The following MAN2A1 variants were observed in gnomAD, a reference collection of about 807,000 sequenced individuals.
MAN2A1 encodes alpha-mannosidase 2.
Under a neutral mutation model 142.6 loss-of-function variants are expected in MAN2A1, and 76 were observed. The ratio of observed to expected loss-of-function variants is 0.53; its 90% confidence interval spans 0.44 to 0.65. The LOEUF (loss-of-function observed/expected upper bound fraction) is 0.65, where lower values mean the gene tolerates loss of function less well. MAN2A1 is among the 30% of genes least tolerant of loss of function. MAN2A1 has a pLI of 0.00. For synonymous variants in MAN2A1, 559 were observed against 473.2 expected, an observed-to-expected ratio of 1.18 and a Z score of -2.35; for missense variants, 1,311 against 1,365.1, an observed-to-expected ratio of 0.96 and a Z score of 0.62.
intron 3 of MAN2A1, among the ~76,000 whole-genome samples, chr5:109,716,517 C>G (rs1751457362): frequency 6.6e-6 from 1 of 152,074 alleles, no homozygotes; most frequent in African/African-American, 2.4e-5. Flanking sequence ...CCTTTGGGGA[C>G]AAAACAGTAT....
chr5:109,820,138 A>G, intron 14 of MAN2A1, 82 bp from the exon 15 acceptor site: 1 of 1,233,482 alleles, frequency 8.1e-7, no homozygotes, highest in South Asian at 1.5e-5. Context: ...ATTTTTTTAA[A>G]TTGTCATATA....
At chr5:109,771,647 G>T (rs1753148176) in intron 7 of MAN2A1, among the ~76,000 whole-genome samples, 1 of 152,130 alleles carries the variant, frequency 6.6e-6, no homozygotes, top group Non-Finnish European at 1.5e-5. Context: ...GCTAGGGTTG[G>T]GTTAAGTAGG....
At chr5:109,838,497 A>G (rs1305060515) in intron 16 of MAN2A1, among the ~76,000 whole-genome samples, 1 of 152,162 alleles carries the variant, frequency 6.6e-6, no homozygotes, top group Non-Finnish European at 1.5e-5. Flanking sequence ...GCTGGTTTGC[A>G]TTCCTGCTTC....
intron 4 of MAN2A1, among the ~76,000 whole-genome samples, chr5:109,752,941 T>C (rs1010413298): frequency 2.6e-5 from 4 of 152,214 alleles, no homozygotes; most frequent in Admixed American, 1.3e-4. Flanking sequence ...AGACCATTGA[T>C]GCCTGTGGGA....
intron 3 of MAN2A1, among the ~76,000 whole-genome samples, chr5:109,725,020 C>T (rs546837187): frequency 6.6e-6 from 1 of 151,976 alleles, no homozygotes; most frequent in South Asian, 2.1e-4. Context: ...ACTTATTGAA[C>T]TCTTGCTCTT....
At position 109,845,922 on chromosome 5, in the gene MAN2A1, A is replaced by G. The variant is rs919116640; in HGVS notation, c.2758A>G (p.Thr920Ala). 2 of 1,613,662 alleles carry G rather than the reference A, an allele frequency of 1.2e-6. No individual in the cohort carries two copies. The highest frequency in any genetic ancestry group is 2.7e-5 in the African/African-American group (2 of 74,900). ...LPLQANVYPM[T>A]TMAYIQDAKH... is the part of the protein sequence containing the mutation. ...TCTTCAAGCAAATGTCTATCCCATG[A>G]CCACAATGGCCTATATCCAGGATGC... Residue 920 changes from threonine to alanine, a missense_variant, in exon 18 of 22, where the codon ACC (threonine) becomes GCC (alanine). Coordinates refer to ENST00000261483, the MANE Select transcript of MAN2A1 (RefSeq NM_002372.4).
intron 4 of MAN2A1, among the ~76,000 whole-genome samples, chr5:109,738,813 C>T (rs368333872): frequency 2.6e-5 from 4 of 152,032 alleles, no homozygotes; most frequent in Admixed American, 6.6e-5. Flanking sequence ...ATTTTTAATG[C>T]TGAAGTCTTC....
At chr5:109,805,931 T>G (rs1377972838) in intron 12 of MAN2A1, among the ~76,000 whole-genome samples, 1 of 152,182 alleles carries the variant, frequency 6.6e-6, no homozygotes, top group African/African-American at 2.4e-5. Context: ...GCAAATTTTC[T>G]TTTTACCACC....
intron 1 of MAN2A1, among the ~76,000 whole-genome samples, chr5:109,695,426 C>G (rs1750785595): frequency 6.6e-6 from 1 of 152,082 alleles, no homozygotes; most frequent in Non-Finnish European, 1.5e-5. Context: ...TTTGAGTCAG[C>G]TATTGCTTTT....
At chr5:109,708,968 G>C (rs1044956390) in intron 1 of MAN2A1, among the ~76,000 whole-genome samples, 3 of 152,174 alleles carry the variant, frequency 2.0e-5, no homozygotes, top group Non-Finnish European at 4.4e-5. Flanking sequence ...CACTCTCACA[G>C]ATACACCTGG....
chr5:109,713,441 A>G (rs1466367738), intron 1 of MAN2A1, 79 bp from the exon 2 acceptor site: 16 of 1,314,302 alleles, frequency 1.2e-5, no homozygotes, highest in Non-Finnish European at 1.6e-5. Context: ...CAACCACATA[A>G]TTTAAAAAAA....
chr5:109,738,233 G>GTTTTTTTTTTT (rs70999941), intron 4 of MAN2A1, among the ~76,000 whole-genome samples: 5 of 122,580 alleles, frequency 4.1e-5, no homozygotes, highest in Non-Finnish European at 5.0e-5. Flanking sequence ...GGTATTTTAT[G>GTTTTTTTTTTT]TTTTTTTTTT....
At chr5:109,744,438 G>A (rs1414264775) in intron 4 of MAN2A1, among the ~76,000 whole-genome samples, 1 of 152,058 alleles carries the variant, frequency 6.6e-6, no homozygotes, top group Non-Finnish European at 1.5e-5. Flanking sequence ...GATTAACAAG[G>A]GCATGTTTGA....
At chr5:109,741,153 A>T (rs1468725868) in intron 4 of MAN2A1, among the ~76,000 whole-genome samples, 1 of 152,172 alleles carries the variant, frequency 6.6e-6, no homozygotes, top group African/African-American at 2.4e-5. Flanking sequence ...ATATTCTGGA[A>T]TACAGGCTTG....
At chr5:109,702,583 G>A (rs1751019372) in intron 1 of MAN2A1, among the ~76,000 whole-genome samples, 3 of 152,084 alleles carry the variant, frequency 2.0e-5, no homozygotes, top group Admixed American at 2.0e-4. Context: ...AACTGTCTTT[G>A]ACCCTGGGCT....
intron 20 of MAN2A1, among the ~76,000 whole-genome samples, chr5:109,861,697 T>C (rs1021131881): frequency 5.3e-5 from 8 of 152,182 alleles, no homozygotes; most frequent in African/African-American, 1.9e-4. Flanking sequence ...AATGTGGTCC[T>C]GGGAGCACGC....
chr5:109,839,647 CTCTTTTTTTTTT>C (rs1755148922), intron 16 of MAN2A1, among the ~76,000 whole-genome samples: 1 of 131,232 alleles, frequency 7.6e-6, no homozygotes, highest in South Asian at 2.8e-4. Context: ...CCCTGTCTCT[CTCTTTTTTTTTT>C]TTTTTTTTTT....
Position 109,831,580 on chromosome 5 carries a change from T to C in MAN2A1, c.2566+7743T>C, listed in dbSNP as rs76875918. Among the ~76,000 whole-genome samples, 940 of 152,362 alleles carry C rather than the reference T, an allele frequency of 6.2e-3. 11 individuals are homozygous for C. Among genetic ancestry groups the C allele is most frequent in the African/African-American group, 0.021 (890 of 41,590 alleles). On this transcript the variant is annotated intron_variant, in intron 16 of 21. Coordinates refer to ENST00000261483, the MANE Select transcript of MAN2A1 (RefSeq NM_002372.4). Reference sequence around the variant, plus strand: ...GGATGTTATTTTGGTGTATTGTACATGGTGACTTTTAAAAATAAGCATATC... The same window carrying C: ...GGATGTTATTTTGGTGTATTGTACACGGTGACTTTTAAAAATAAGCATATC...
chr5:109,840,583 C>G (rs932683018), intron 16 of MAN2A1: 6 of 503,286 alleles, frequency 1.2e-5, no homozygotes, highest in African/African-American at 4.0e-5. Context: ...GTTTCCTTAA[C>G]AACAGGGCCA....
Sources: gnomAD v4.1 joint callset for allele counts (sites outside exome capture counted in the v4.1 genomes callset) on GRCh38, gnomAD v4.1.1 for gene constraint, MANE v1.5 for transcripts, NCBI Gene and HGNC (gene_info 2026-07-23, HGNC 2026-07-21) for gene names.